GTPBP2: variants seen among roughly 807,000 people sequenced by gnomAD.
GTPBP2 encodes GTP binding protein 2.
Under a neutral mutation model 63.0 loss-of-function variants are expected in GTPBP2, and 32 were observed. The ratio of observed to expected loss-of-function variants is 0.51; its 90% confidence interval spans 0.38 to 0.68. The LOEUF (loss-of-function observed/expected upper bound fraction) is 0.68, where lower values mean the gene tolerates loss of function less well. Among genes scored for constraint, GTPBP2 ranks in the 30% least tolerant of loss-of-function variants. The pLI is 0.00. For missense variants in GTPBP2, 492 were observed against 796.9 expected, an observed-to-expected ratio of 0.62 and a Z score of 4.61; for synonymous variants, 310 against 322.6, an observed-to-expected ratio of 0.96 and a Z score of 0.42.
Position 43,629,232 on chromosome 6 carries a change from G to A in GTPBP2, c.-70C>T, listed in dbSNP as rs1027008020. 12 of 1,118,314 alleles carry A rather than the reference G, an allele frequency of 1.1e-5. No homozygotes were observed. The highest frequency in any genetic ancestry group is 4.2e-5 in the Admixed American group (1 of 23,660). 69.3% of individuals were successfully genotyped at this position (1,118,314 alleles called of 1,614,324 possible). On this transcript the variant is annotated 5_prime_UTR_variant, in exon 1 of 12. Transcript: ENST00000307126. ...CGCCGCCGTCGCCGCCGCCCTTACTGCCACTGCCGTGTCCGGCCGGCCTGA... is the reference window on the plus strand; with the variant it reads ...CGCCGCCGTCGCCGCCGCCCTTACTACCACTGCCGTGTCCGGCCGGCCTGA...
At position 43,625,007 on chromosome 6, in the gene GTPBP2, T is replaced by C; in HGVS notation, c.761A>G (p.Lys254Arg). 1.2e-6 allele frequency: 2 copies of C among 1,614,032 alleles called. No individual in the cohort carries two copies. The highest frequency in any genetic ancestry group is 1.7e-6 in the Non-Finnish European group (2 of 1,180,014). ...TGCCAGGTCGATGAAGGTGATCATC[T>C]TGGAGCTGCTCTCACAGATCTCTTC... ...TAEEICESSS[K>R]MITFIDLAGH... Residue 254 changes from lysine to arginine, a missense_variant, in exon 6 of 12, where the codon AAG (lysine) becomes AGG (arginine). Coordinates refer to ENST00000307126, the MANE Select transcript of GTPBP2 (RefSeq NM_019096.5). The surrounding 1 kb of genome is among the most constrained non-coding windows in gnomAD (Gnocchi z 5.1).
chr6:43,629,200 C>T lies in GTPBP2; in HGVS notation c.-38G>A, dbSNP rs1455853708. On this transcript the variant is annotated 5_prime_UTR_variant, in exon 1 of 12. Coordinates refer to ENST00000307126, the MANE Select transcript of GTPBP2 (RefSeq NM_019096.5). ...CCAGCCCCCCGCCCGGCCCCTCCCC[C>T]GACCGCCGCCGCCGTCGCCGCCGCC... The T allele has an allele frequency of 1.5e-6, 2 of 1,316,206 alleles. No homozygotes were observed. The highest frequency in any genetic ancestry group is 1.9e-6 in the Non-Finnish European group (2 of 1,033,466). 81.5% of individuals were successfully genotyped at this position (1,316,206 alleles called of 1,614,324 possible).
At position 43,625,519 on chromosome 6, in the gene GTPBP2, A is replaced by T; in HGVS notation, c.549T>A (p.Ser183=). Residue 183 remains serine, a synonymous_variant, in exon 5 of 12, where the codon TCT becomes TCA. Coordinates refer to ENST00000307126, the MANE Select transcript of GTPBP2 (RefSeq NM_019096.5). This position sits in a 1 kb window ranked among gnomAD's most constrained non-coding sequence, Gnocchi z 5.1. ...GGACTCCAAGCAGAGTTGACTTCCC[A>T]GAGTCCACATTCCCCAGGACGGCCA... ...LRVAVLGNVD[S]GKSTLLGVLT... 1 of 1,614,050 alleles carries T rather than the reference A, an allele frequency of 6.2e-7. No homozygotes were observed. The highest frequency in any genetic ancestry group is 8.5e-7 in the Non-Finnish European group (1 of 1,179,914).
chr6:43,623,616 C>A (rs1156352549), intron 9 of GTPBP2, 121 bp downstream of exon 9: 1 of 766,148 alleles, frequency 1.3e-6, no homozygotes, highest in African/African-American at 1.7e-5. Context: ...GCCTAATCTG[C>A]AAATAAGCAT....
At chr6:43,629,885 G>A, upstream of GTPBP2, 1 of 1,321,152 alleles carries the variant, frequency 7.6e-7, no homozygotes, top group Admixed American at 2.5e-5. Context: ...TTACCAGGCT[G>A]GCACCGTCCA....
intron 1 of GTPBP2, 105 bp downstream of exon 1, chr6:43,628,872 G>T (rs1769664628): frequency 8.0e-7 from 1 of 1,251,800 alleles, no homozygotes; most frequent in Non-Finnish European, 1.2e-6. Flanking sequence ...CCTCCCTGGG[G>T]TCTCGACACC....
chr6:43,622,520 G>T lies in GTPBP2; in HGVS notation c.1467+113C>A. On this transcript the variant is annotated intron_variant, in intron 10 of 11. Coordinates refer to ENST00000307126, the MANE Select transcript of GTPBP2 (RefSeq NM_019096.5). This position sits in a 1 kb window ranked among gnomAD's most constrained non-coding sequence, Gnocchi z 5.4. ...TAGACCAGAAGCTTCTTGGGTCAGAGAGTGTGTTTCCTCTGAGTTTCTCTG... is the reference window on the plus strand; with the variant it reads ...TAGACCAGAAGCTTCTTGGGTCAGATAGTGTGTTTCCTCTGAGTTTCTCTG... The T allele has an allele frequency of 2.0e-6, 2 of 1,018,862 alleles. No homozygotes were observed. The highest frequency in any genetic ancestry group is 2.9e-6 in the Non-Finnish European group (2 of 680,608). 63.1% of individuals were successfully genotyped at this position (1,018,862 alleles called of 1,614,324 possible).
At chr6:43,629,520 T>C (rs1279397605), upstream of GTPBP2, 3 of 618,082 alleles carry the variant, frequency 4.9e-6, no homozygotes, top group African/African-American at 5.5e-5. Flanking sequence ...CCTCGCGCTA[T>C]GTTCTTTTTC....
At chr6:43,629,369 A>C (rs1769744919), upstream of GTPBP2, among the ~76,000 whole-genome samples, 1 of 152,178 alleles carries the variant, frequency 6.6e-6, no homozygotes, top group Non-Finnish European at 1.5e-5. Context: ...AGGCCTGGGA[A>C]TTCACTTAAA....
In GTPBP2 at chr6:43,621,293, G is replaced by A; in HGVS notation, c.*321C>T. 3.0e-6 allele frequency: 2 copies of A among 658,800 alleles called. No homozygotes were observed. Among genetic ancestry groups the A allele is most frequent in the Middle Eastern group, 5.5e-4 (2 of 3,634 alleles). 40.8% of individuals were successfully genotyped at this position (658,800 alleles called of 1,614,324 possible). On this transcript the variant is annotated 3_prime_UTR_variant, in exon 12 of 12. Coordinates refer to ENST00000307126, the MANE Select transcript of GTPBP2 (RefSeq NM_019096.5). ...CACCAGCAAAACATGCCCAGTCTTA[G>A]TAGTGGGGACGAAGAATTGATGAGT...
chr6:43,627,311 G>A (rs1769449817), intron 1 of GTPBP2: 5 of 1,057,406 alleles, frequency 4.7e-6, no homozygotes, highest in Non-Finnish European at 5.7e-6. Flanking sequence ...TCTCCTCTGT[G>A]CCCAGGCTGT....
At chr6:43,631,330 CAG>C (rs1052619457), upstream of GTPBP2, among the ~76,000 whole-genome samples, 5 of 152,136 alleles carry the variant, frequency 3.3e-5, no homozygotes, top group African/African-American at 1.2e-4. Context: ...CTAGGGAACT[CAG>C]TGAGAGATCT....
rs760956121 is a variant in GTPBP2, at chr6:43,624,089, T to C, written c.1101-21A>G. 2 of 1,602,628 alleles carry C rather than the reference T, an allele frequency of 1.2e-6. No individual in the cohort carries two copies. Among genetic ancestry groups the C allele is most frequent in the Non-Finnish European group, 1.7e-6 (2 of 1,173,440 alleles). ...TGACACTGTAGAGGGAGGCATGGAA[T>C]GGACAGATGAAGACAGTCCAAACAG... On this transcript the variant is annotated intron_variant, in intron 7 of 11. Transcript: ENST00000307126. The surrounding 1 kb of genome is among the most constrained non-coding windows in gnomAD (Gnocchi z 5.1).
chr6:43,629,915 G>C (rs1769791080), upstream of GTPBP2: 1 of 1,067,726 alleles, frequency 9.4e-7, no homozygotes, highest in Non-Finnish European at 1.3e-6. Flanking sequence ...TTTAATAACC[G>C]GAGGCACCGC....
At position 43,625,066 on chromosome 6, in the gene GTPBP2, G is replaced by A; in HGVS notation, c.706-4C>T. 2 of 1,612,248 alleles carry A rather than the reference G, an allele frequency of 1.2e-6. No homozygotes were observed. The highest frequency in any genetic ancestry group is 1.7e-6 in the Non-Finnish European group (2 of 1,179,410). Reference sequence around the variant, plus strand: ...GTGAGTCGCTGTAATTCACCACCTGGCCCAGGGCCCAGGGCCCTCAGTGCC... The same window carrying A: ...GTGAGTCGCTGTAATTCACCACCTGACCCAGGGCCCAGGGCCCTCAGTGCC... On this transcript the variant is annotated splice_polypyrimidine_tract_variant and splice_region_variant and intron_variant, in intron 5 of 11. Transcript: ENST00000307126. This position sits in a 1 kb window ranked among gnomAD's most constrained non-coding sequence, Gnocchi z 5.1.
chr6:43,628,198 T>A (rs12216419), intron 1 of GTPBP2, among the ~76,000 whole-genome samples: 3 of 152,046 alleles, frequency 2.0e-5, no homozygotes, highest in Non-Finnish European at 4.4e-5. Context: ...ACCCCATCTC[T>A]ACTAAAAATA....
At chr6:43,629,529 T>C (rs1769761186), upstream of GTPBP2, 3 of 625,618 alleles carry the variant, frequency 4.8e-6, no homozygotes, top group South Asian at 5.5e-5. Context: ...ATGTTCTTTT[T>C]CTAGGACTTG....
chr6:43,628,735 AG>A, intron 1 of GTPBP2: 1 of 747,506 alleles, frequency 1.3e-6, no homozygotes, highest in Non-Finnish European at 2.4e-6. Flanking sequence ...GGGGTAATCT[AG>A]ATCAGAAGGG....
At chr6:43,628,807 C>T (rs575599429) in intron 1 of GTPBP2, 170 bp downstream of exon 1, 2 of 838,802 alleles carry the variant, frequency 2.4e-6, no homozygotes, top group South Asian at 1.3e-5. Flanking sequence ...CCAGTCTCTG[C>T]CCTTCCTCCC....
Sources: allele counts gnomAD v4.1 joint callset (sites outside exome capture counted in the v4.1 genomes callset), GRCh38; gene constraint gnomAD v4.1.1; non-coding constraint Gnocchi (gnomAD v3.1); transcripts MANE v1.5; gene names NCBI Gene and HGNC (gene_info 2026-07-23, HGNC 2026-07-21).